Variants in HECW1 observed in about 807,000 individuals in gnomAD.
HECW1 encodes E3 ubiquitin-protein ligase HECW1.
Under a neutral mutation model 182.3 loss-of-function variants are expected in HECW1, and 61 were observed. The ratio of observed to expected loss-of-function variants is 0.33; its 90% CI spans 0.27 to 0.41. The LOEUF is 0.41. Ranked by LOEUF, HECW1 falls within the 10% of genes least tolerant of loss-of-function variation. The pLI is 1.00. For synonymous variants in HECW1, 859 were observed against 832.6 expected, an observed-to-expected ratio of 1.03 and a Z score of -0.55; for missense variants, 1,739 against 2,108.9, an observed-to-expected ratio of 0.82 and a Z score of 3.44.
Position 43,563,144 on chromosome 7 carries a change from C to T in HECW1, c.*1218C>T. 4.9e-6 allele frequency: 1 copy of T among 203,160 alleles called. No homozygotes were observed. Among genetic ancestry groups the T allele is most frequent in the Non-Finnish European group, 1.0e-5 (1 of 98,758 alleles). 12.6% of individuals were successfully genotyped at this position (203,160 alleles called of 1,614,324 possible). ...AGGGCAACATAGTACTTCTCCTTCACCCATAGTAATCCTCCTGGGGCAGAA... is the reference window on the plus strand; with the variant it reads ...AGGGCAACATAGTACTTCTCCTTCATCCATAGTAATCCTCCTGGGGCAGAA... On this transcript the variant is annotated 3_prime_UTR_variant, in exon 30 of 30. Transcript: ENST00000395891.
chr7:43,536,895 C>G (rs1206779190), intron 24 of HECW1, among the ~76,000 whole-genome samples: 1 of 152,200 alleles, frequency 6.6e-6, no homozygotes, highest in Admixed American at 6.5e-5. Flanking sequence ...CAAAGTAAAA[C>G]TGAGCACAGG....
intron 3 of HECW1, among the ~76,000 whole-genome samples, chr7:43,299,518 G>GA (rs1806468999): frequency 6.6e-6 from 1 of 152,114 alleles, no homozygotes; most frequent in Admixed American, 6.6e-5. Context: ...GTTTAGTCCT[G>GA]CATAATTGAG....
intron 3 of HECW1, among the ~76,000 whole-genome samples, chr7:43,282,131 C>G (rs1468759885): frequency 6.6e-6 from 1 of 152,228 alleles, no homozygotes; most frequent in Admixed American, 6.5e-5. Context: ...GGAGCAATGT[C>G]TTGCTCAGCT....
chr7:43,201,787 C>T (rs976982559), intron 2 of HECW1, among the ~76,000 whole-genome samples: 1 of 152,026 alleles, frequency 6.6e-6, no homozygotes, highest in Non-Finnish European at 1.5e-5. Flanking sequence ...TGAATTCTTA[C>T]AACTAAACGA....
At chr7:43,379,348 T>TAG (rs2074456635) in intron 6 of HECW1, among the ~76,000 whole-genome samples, 1 of 152,088 alleles carries the variant, frequency 6.6e-6, no homozygotes, top group Non-Finnish European at 1.5e-5. Context: ...GCACACACAC[T>TAG]CCCATGCTGT....
At chr7:43,505,223 C>T (rs2079528497) in intron 21 of HECW1, among the ~76,000 whole-genome samples, 1 of 152,174 alleles carries the variant, frequency 6.6e-6, no homozygotes, top group African/African-American at 2.4e-5. Flanking sequence ...TCTACTCCTC[C>T]CCGTCTCAGT....
At chr7:43,197,977 T>C (rs985905934) in intron 2 of HECW1, among the ~76,000 whole-genome samples, 21 of 151,818 alleles carry the variant, frequency 1.4e-4, no homozygotes, top group Non-Finnish European at 2.2e-4. Context: ...CCCACATCTT[T>C]CCTGCCATTG....
chr7:43,139,978 C>T (rs189816406), intron 2 of HECW1, among the ~76,000 whole-genome samples: 1 of 152,218 alleles, frequency 6.6e-6, no homozygotes, highest in East Asian at 1.9e-4. Flanking sequence ...AAAATGCATC[C>T]AAAGTTCTTA....
chr7:43,476,522 G>T (rs1025878867), intron 16 of HECW1, among the ~76,000 whole-genome samples: 29 of 152,084 alleles, frequency 1.9e-4, no homozygotes, highest in African/African-American at 6.7e-4. Context: ...TAGTTCCTCT[G>T]GAAAAATGAA....
Position 43,444,528 on chromosome 7 carries a change from C to G in HECW1, c.1356C>G (p.Ala452=). Reference sequence around the variant, plus strand: ...AGGTGCAAAAGGACATCCAGCCTGCCCCCAGTGCAGAAGAGCTGGCCGAGC... The same window carrying G: ...AGGTGCAAAAGGACATCCAGCCTGCGCCCAGTGCAGAAGAGCTGGCCGAGC... The part of the protein sequence containing the change: ...LAQVQKDIQP[A]PSAEELAEQL... The change falls in exon 11 of 30, where the codon GCC becomes GCG. Residue 452 remains alanine, a synonymous_variant. Coordinates refer to ENST00000395891, the MANE Select transcript of HECW1 (RefSeq NM_015052.5). This position sits in a 1 kb window ranked among gnomAD's most constrained non-coding sequence, Gnocchi z 4.3. 6.2e-7 allele frequency: 1 copy of G among 1,611,448 alleles called. No homozygotes were observed. Among genetic ancestry groups the G allele is most frequent in the Non-Finnish European group, 8.5e-7 (1 of 1,178,928 alleles).
In HECW1 at chr7:43,311,854, G is replaced by C. The variant is rs774856233; in HGVS notation, c.119G>C (p.Arg40Pro). Reference sequence around the variant, plus strand: ...CGACGCCGGTGCAAGGAGCCGCTCCGATACAGCTACAACCCCGACCAGTTC... The same window carrying C: ...CGACGCCGGTGCAAGGAGCCGCTCCCATACAGCTACAACCCCGACCAGTTC... ...QSRRRCKEPL[R>P]YSYNPDQFHN... The change falls in exon 4 of 30, where the codon CGA becomes CCA. Residue 40 changes from arginine (R) to proline (P), a missense_variant. Around this residue, in one of 5 missense-constraint regions of HECW1, gnomAD observed 279 missense variants for 353.1 expected, o/e 0.79. Transcript: ENST00000395891. 3 of 1,614,212 alleles carry C rather than the reference G, an allele frequency of 1.9e-6. No individual in the cohort carries two copies. Among genetic ancestry groups the C allele is most frequent in the South Asian group, 1.1e-5 (1 of 91,084 alleles).
intron 6 of HECW1, among the ~76,000 whole-genome samples, chr7:43,369,901 A>T (rs1391691675): frequency 6.6e-6 from 1 of 152,230 alleles, no homozygotes; most frequent in Admixed American, 6.5e-5. Context: ...GGATAGATAA[A>T]TCTGATACAG....
chr7:43,159,739 G>A (rs1468237585), intron 2 of HECW1, among the ~76,000 whole-genome samples: 10 of 124,694 alleles, frequency 8.0e-5, no homozygotes, highest in Middle Eastern at 3.8e-3. Flanking sequence ...GAGTGCAGTG[G>A]TGGCGATCTC....
chr7:43,204,863 A>G lies in HECW1; in HGVS notation c.-31-39012A>G, dbSNP rs189516008. Among the ~76,000 whole-genome samples the G allele has an allele frequency of 3.0e-3, 461 of 152,236 alleles. 2 individuals carry two copies. The highest frequency in any genetic ancestry group is 2.5e-3 in the Non-Finnish European group (173 of 68,010). On this transcript the variant is annotated intron_variant, in intron 2 of 29. Coordinates refer to ENST00000395891, the MANE Select transcript of HECW1 (RefSeq NM_015052.5). The stretch of plus-strand genomic sequence containing the variant: ...TGGATTAAGGCCCCGCAAAGTTTGG[A>G]TCTTACCATCCCACAGGAACTGGGA...
chr7:43,298,102 G>C (rs1408020849), intron 3 of HECW1, among the ~76,000 whole-genome samples: 1 of 152,124 alleles, frequency 6.6e-6, no homozygotes, highest in Admixed American at 6.5e-5. Context: ...AAACAATTTA[G>C]ATTGGATAGG....
chr7:43,133,611 TTC>T lies in HECW1; in HGVS notation c.-32+19226_-32+19227del, dbSNP rs893546813. The stretch of plus-strand genomic sequence containing the variant: ...TTGTTGTTGTTTTTACATTTTATAT[TTC>T]TCTCTTTCTTTCTCTGTTCCTTCCT... On this transcript the variant is annotated intron_variant, in intron 2 of 29. Coordinates refer to ENST00000395891, the MANE Select transcript of HECW1 (RefSeq NM_015052.5). Among the ~76,000 whole-genome samples, 12 of 151,960 alleles carry T rather than the reference TTC, an allele frequency of 7.9e-5. 1 individual carries two copies. The highest frequency in any genetic ancestry group is 3.3e-4 in the Admixed American group (5 of 15,250).
intron 3 of HECW1, among the ~76,000 whole-genome samples, chr7:43,249,942 A>C (rs1311092513): frequency 6.6e-6 from 1 of 152,076 alleles, no homozygotes; most frequent in Admixed American, 6.6e-5. Context: ...TCAGGATAGC[A>C]CGGTATGTCA....
intron 3 of HECW1, among the ~76,000 whole-genome samples, chr7:43,297,305 T>G (rs1189587108): frequency 6.6e-6 from 1 of 152,238 alleles, no homozygotes; most frequent in Non-Finnish European, 1.5e-5. Flanking sequence ...ATGTCACAAT[T>G]ACACTTGTTT....
rs188638445 is a variant in HECW1 at position 43,382,352 on chromosome 7, G to A, written c.556-14462G>A. Among the ~76,000 whole-genome samples, 56 of 152,182 alleles carry A rather than the reference G, an allele frequency of 3.7e-4. No homozygotes were observed. In the East Asian group the frequency reaches 8.1e-3, roughly 22 times the overall value. On this transcript the variant is annotated intron_variant, in intron 6 of 29. Transcript: ENST00000395891. ...TGTGGAAAGTGTGTCTGAGGATGCG[G>A]TGAAGCAATGCCTGTGATGCTCTCA...
Sources: allele counts gnomAD v4.1 joint callset (sites outside exome capture counted in the v4.1 genomes callset), GRCh38; gene constraint gnomAD v4.1.1; regional missense constraint gnomAD v4.1.1; non-coding constraint Gnocchi (gnomAD v3.1); transcripts MANE v1.5; gene names NCBI Gene and HGNC (gene_info 2026-07-23, HGNC 2026-07-21).